Variants in DEFB131A observed in about 807,000 individuals in gnomAD.
DEFB131A encodes the protein beta-defensin 131A.
Under a neutral mutation model 2.4 loss-of-function variants are expected in DEFB131A, and 5 were observed. The ratio of observed to expected loss-of-function variants is 2.12; its 90% confidence interval spans 1.11 to 4.47. The LOEUF is 4.47. Among genes scored for constraint, DEFB131A ranks in the 30% most tolerant of loss-of-function variants. DEFB131A has a pLI of 0.00. For missense variants in DEFB131A, 120 were observed against 79.9 expected, an observed-to-expected ratio of 1.50 and a Z score of -1.91; for synonymous variants, 34 against 25.7, an observed-to-expected ratio of 1.32 and a Z score of -0.97.
rs1354564653 is a variant in DEFB131A at position 9,444,678 on chromosome 4, G to T, written c.58+87G>T. 1.0e-5 allele frequency: 14 copies of T among 1,373,162 alleles called. No homozygotes were observed. The South Asian group carries it at 1.5e-4, about 15-fold the overall frequency. 85.1% of individuals were successfully genotyped at this position (1,373,162 alleles called of 1,614,324 possible). On this transcript the variant is annotated intron_variant, in intron 1 of 1. Transcript: ENST00000334879. ...CTTTCAAGAGTCTGAAAATAAAATA[G>T]GCATGGGCAGATTTTACTGTACCAT...
chr4:9,445,819 A>C (rs1577079359), intron 1 of DEFB131A, among the ~76,000 whole-genome samples: 3 of 152,278 alleles, frequency 2.0e-5, no homozygotes, highest in African/African-American at 7.2e-5. Context: ...AACCGCAAGA[A>C]GAAATCTCTC....
In DEFB131A at chr4:9,450,557, T is replaced by C. The variant is rs762992434; in HGVS notation, c.*43T>C. 1.9e-6 allele frequency: 3 copies of C among 1,583,948 alleles called. No homozygotes were observed. The highest frequency in any genetic ancestry group is 2.6e-6 in the Non-Finnish European group (3 of 1,164,406). ...TCTTCAGACTCCGGGACAAAAAACA[T>C]GTCTTAAACTCTCTTATCTATGAAT... On this transcript the variant is annotated 3_prime_UTR_variant, in exon 2 of 2. Coordinates refer to ENST00000334879, the MANE Select transcript of DEFB131A (RefSeq NM_001040448.3).
chr4:9,445,134 G>T (rs986752032), intron 1 of DEFB131A, among the ~76,000 whole-genome samples: 1 of 152,002 alleles, frequency 6.6e-6, no homozygotes, highest in African/African-American at 2.4e-5. Context: ...TTGATCAAAA[G>T]ATGGTGAGAG....
intron 1 of DEFB131A, among the ~76,000 whole-genome samples, chr4:9,445,036 T>C (rs891344708): frequency 2.6e-5 from 4 of 152,084 alleles, no homozygotes; most frequent in African/African-American, 9.7e-5. Flanking sequence ...GCTTAGGTCA[T>C]GCCACTGCAC....
Position 9,448,824 on chromosome 4 carries a change from A to T in DEFB131A, c.59-1536A>T, listed in dbSNP as rs545783998. Among the ~76,000 whole-genome samples, 5 of 152,286 alleles carry T rather than the reference A, an allele frequency of 3.3e-5. No homozygotes were observed. In the East Asian group the frequency reaches 9.7e-4, roughly 29 times the overall value. Reference sequence around the variant, plus strand: ...TGCCACATTTATTTAACATGATACTAAAAGTTCTAGCAAGAACAATTAGGC... The same window carrying T: ...TGCCACATTTATTTAACATGATACTTAAAGTTCTAGCAAGAACAATTAGGC... On this transcript the variant is annotated intron_variant, in intron 1 of 1. Transcript: ENST00000334879.
intron 1 of DEFB131A, among the ~76,000 whole-genome samples, chr4:9,445,564 C>T (rs1218746694): frequency 1.3e-5 from 2 of 151,130 alleles, no homozygotes; most frequent in Admixed American, 6.6e-5. Context: ...TTCTGAAGCA[C>T]ATTTTAATAC....
chr4:9,444,836 G>A (rs1305190205), intron 1 of DEFB131A, among the ~76,000 whole-genome samples: 2 of 151,816 alleles, frequency 1.3e-5, no homozygotes, highest in Non-Finnish European at 2.9e-5. Flanking sequence ...AGCACTTGGG[G>A]AGTTTGAGGT....
At chr4:9,448,403 C>A in intron 1 of DEFB131A, among the ~76,000 whole-genome samples, 1 of 152,066 alleles carries the variant, frequency 6.6e-6, no homozygotes, top group East Asian at 1.9e-4. Flanking sequence ...GGCTGGAGTG[C>A]AGTGGCAGTG....
chr4:9,446,457 A>G (rs1241255739), intron 1 of DEFB131A, among the ~76,000 whole-genome samples: 1 of 151,946 alleles, frequency 6.6e-6, no homozygotes, highest in Non-Finnish European at 1.5e-5. Flanking sequence ...TTTATTTCCG[A>G]TTTTATTTAT....
intron 1 of DEFB131A, among the ~76,000 whole-genome samples, chr4:9,449,680 G>A (rs556818718): frequency 6.6e-6 from 1 of 151,960 alleles, no homozygotes; most frequent in Non-Finnish European, 1.5e-5. Context: ...ATTTGGGAAG[G>A]ACTGGTAGGT....
At chr4:9,447,346 C>A (rs1041401487) in intron 1 of DEFB131A, among the ~76,000 whole-genome samples, 4 of 151,932 alleles carry the variant, frequency 2.6e-5, no homozygotes, top group Non-Finnish European at 4.4e-5. Flanking sequence ...TATATGATGA[C>A]CTTCTTTGTC....
chr4:9,446,340 G>T (rs528721074), intron 1 of DEFB131A, among the ~76,000 whole-genome samples: 203 of 151,836 alleles, frequency 1.3e-3, no homozygotes, highest in African/African-American at 4.6e-3. Flanking sequence ...ATTGATTATT[G>T]GTGTTGGTAA....
chr4:9,450,485 A>G lies in DEFB131A; in HGVS notation c.184A>G (p.Ile62Val), dbSNP rs528558970. The change falls in exon 2 of 2, where the codon ATT becomes GTT. Residue 62 changes from isoleucine to valine, a missense_variant. Transcript: ENST00000334879. ...CAGCATCTGCTGCAAACTGAAGATC[A>G]TTGAAATTGACGGACAAAAGAAGTG... ...DFSICCKLKIIEIDGQKKW is the reference protein window; with the variant it reads ...DFSICCKLKIVEIDGQKKW 7 of 1,610,444 alleles carry G rather than the reference A, an allele frequency of 4.3e-6. No homozygotes were observed. The highest frequency in any genetic ancestry group is 5.9e-6 in the Non-Finnish European group (7 of 1,179,184).
At chr4:9,449,025 A>T (rs1717579885) in intron 1 of DEFB131A, among the ~76,000 whole-genome samples, 1 of 151,990 alleles carries the variant, frequency 6.6e-6, no homozygotes, top group African/African-American at 2.4e-5. Flanking sequence ...TACGAATATC[A>T]GTTGTGTTTC....
intron 1 of DEFB131A, among the ~76,000 whole-genome samples, chr4:9,447,231 A>G (rs1717526818): frequency 6.6e-6 from 1 of 152,146 alleles, no homozygotes; most frequent in South Asian, 2.1e-4. Context: ...CTCTCTCTTT[A>G]GCTCTAATGA....
intron 1 of DEFB131A, among the ~76,000 whole-genome samples, chr4:9,445,825 C>T (rs1341935432): frequency 2.6e-5 from 4 of 152,062 alleles, no homozygotes; most frequent in Admixed American, 2.0e-4. Context: ...AAGAAGAAAT[C>T]TCTCCTCCTC....
chr4:9,450,317 G>A lies in DEFB131A; in HGVS notation c.59-43G>A, dbSNP rs754243381. 17 of 1,439,312 alleles carry A rather than the reference G, an allele frequency of 1.2e-5. No homozygotes were observed. In the African/African-American group the frequency reaches 2.4e-4, roughly 21 times the overall value. The allele number at this position is 1,439,312 out of a possible 1,614,324, so 89.2% of individuals were successfully genotyped here. A position where few individuals can be genotyped will look rare whatever the true frequency, so the allele number is the denominator to read the frequency against. Reference sequence around the variant, plus strand: ...CATTTCAGACATTTAACAATAAAAAGTAAGTAATATTGTGTCATATAATTT... The same window carrying A: ...CATTTCAGACATTTAACAATAAAAAATAAGTAATATTGTGTCATATAATTT... On this transcript the variant is annotated intron_variant, in intron 1 of 1. Transcript: ENST00000334879.
chr4:9,445,160 C>T (rs1369526676), intron 1 of DEFB131A, among the ~76,000 whole-genome samples: 2 of 151,920 alleles, frequency 1.3e-5, no homozygotes, highest in Non-Finnish European at 2.9e-5. Flanking sequence ...ACACAGAACA[C>T]AGGAAATTTA....
chr4:9,449,450 C>T (rs28430894), intron 1 of DEFB131A, among the ~76,000 whole-genome samples: 4,677 of 148,016 alleles, frequency 0.032, 176 homozygotes, highest in African/African-American at 0.11. Flanking sequence ...GGGGAAAAGA[C>T]GGTTTCTTCA....
Sources: gnomAD v4.1 joint callset for allele counts (sites outside exome capture counted in the v4.1 genomes callset) on GRCh38, gnomAD v4.1.1 for gene constraint, MANE v1.5 for transcripts, NCBI Gene and HGNC (gene_info 2026-07-23, HGNC 2026-07-21) for gene names.